KLHL29: variants seen among roughly 807,000 people sequenced by gnomAD.
KLHL29 encodes the protein kelch like family member 29.
KLHL29 carries 21 observed loss-of-function variants against 80.4 expected under a neutral mutation model. The ratio of observed to expected loss-of-function variants is 0.26; its 90% confidence interval spans 0.19 to 0.38. The LOEUF is 0.38. Among genes scored for constraint, KLHL29 ranks in the 10% least tolerant of loss-of-function variants. KLHL29 has a pLI of 1.00. For synonymous variants in KLHL29, 511 were observed against 526.8 expected, an observed-to-expected ratio of 0.97 and a Z score of 0.41; for missense variants, 867 against 1,223.9, an observed-to-expected ratio of 0.71 and a Z score of 4.35.
intron 2 of KLHL29, among the ~76,000 whole-genome samples, chr2:23,551,656 C>A (rs1667133695): frequency 6.6e-6 from 1 of 152,246 alleles, no homozygotes; most frequent in Admixed American, 6.5e-5. Flanking sequence ...TCCCCCAGGG[C>A]CATCTAGGGA....
chr2:23,541,042 G>C (rs1666818038), intron 2 of KLHL29, among the ~76,000 whole-genome samples: 1 of 152,226 alleles, frequency 6.6e-6, no homozygotes, highest in Admixed American at 6.5e-5. Context: ...CCCAGCCATA[G>C]CTAATGGGCT....
Position 23,523,953 on chromosome 2 carries a change from C to T in KLHL29, c.-45-38199C>T, listed in dbSNP as rs773506538. On this transcript the variant is annotated intron_variant, in intron 2 of 13. Coordinates refer to ENST00000486442, the MANE Select transcript of KLHL29 (RefSeq NM_052920.2). ...GGGACCTTGAAGTAAGTACTTACCT[C>T]GTAAAGAGAAGATTCCATGCGTCTT... is the stretch of plus-strand genomic sequence containing the variant. The T allele has an allele frequency of 3.5e-4, 167 of 470,744 alleles. 1 individual carries two copies. Among genetic ancestry groups the T allele is most frequent in the Non-Finnish European group, 9.3e-5 (21 of 226,654 alleles). The allele number at this position is 470,744 out of a possible 1,614,324, so 29.2% of individuals were successfully genotyped here.
chr2:23,638,178 A>G (rs1053727117), intron 3 of KLHL29, among the ~76,000 whole-genome samples: 6 of 151,502 alleles, frequency 4.0e-5, no homozygotes, highest in Admixed American at 6.6e-5. Flanking sequence ...CCCTGTTAAC[A>G]TTTTGGTCAT....
intron 1 of KLHL29, among the ~76,000 whole-genome samples, chr2:23,434,640 G>C (rs1663287948): frequency 1.3e-5 from 2 of 152,328 alleles, no homozygotes; most frequent in Admixed American, 1.3e-4. Flanking sequence ...CCAGTTACTG[G>C]GGTTTTATAT....
chr2:23,560,363 C>T (rs1359137157), intron 2 of KLHL29, among the ~76,000 whole-genome samples: 2 of 140,144 alleles, frequency 1.4e-5, no homozygotes, highest in East Asian at 4.6e-4. Flanking sequence ...CTCTGCCTCC[C>T]AAGTTCAAGT....
intron 3 of KLHL29, among the ~76,000 whole-genome samples, chr2:23,608,975 G>A (rs1668793595): frequency 6.6e-6 from 1 of 152,194 alleles, no homozygotes; most frequent in Admixed American, 6.5e-5. Context: ...ATGGGAATAG[G>A]ATAATTACAA....
At chr2:23,661,340 T>TAAAAAA (rs11483622) in intron 5 of KLHL29, among the ~76,000 whole-genome samples, 1 of 134,910 alleles carries the variant, frequency 7.4e-6, no homozygotes, top group African/African-American at 2.9e-5. Flanking sequence ...AGACCCTGTC[T>TAAAAAA]AAAAAAAAAA....
chr2:23,479,282 CGAA>C (rs1664722249), intron 2 of KLHL29, among the ~76,000 whole-genome samples: 1 of 151,794 alleles, frequency 6.6e-6, no homozygotes, highest in Non-Finnish European at 1.5e-5. Flanking sequence ...GAACCTCAGC[CGAA>C]CCCTCAGCCC....
At chr2:23,399,263 TC>T (rs1666530663) in intron 1 of KLHL29, among the ~76,000 whole-genome samples, 1 of 152,238 alleles carries the variant, frequency 6.6e-6, no homozygotes, top group Non-Finnish European at 1.5e-5. Context: ...CTTGTTCCCT[TC>T]CATGCCTAGC....
intron 2 of KLHL29, among the ~76,000 whole-genome samples, chr2:23,481,526 C>T (rs1032275417): frequency 5.9e-5 from 9 of 151,616 alleles, no homozygotes; most frequent in African/African-American, 2.2e-4. Flanking sequence ...CCTCCTGTTT[C>T]CCCAGCCACA....
At chr2:23,401,016 G>T (rs78421412) in intron 1 of KLHL29, among the ~76,000 whole-genome samples, 1,592 of 152,360 alleles carry the variant, frequency 0.01, 18 homozygotes, top group South Asian at 0.051. Flanking sequence ...GCCTGTTGGA[G>T]GTGGGAGGGT....
chr2:23,601,319 C>T (rs1234654307), intron 3 of KLHL29, among the ~76,000 whole-genome samples: 2 of 152,120 alleles, frequency 1.3e-5, no homozygotes, highest in African/African-American at 2.4e-5. Flanking sequence ...GGGAGTAAAG[C>T]GTCCTTGGTA....
chr2:23,588,227 C>T (rs1434539614), intron 3 of KLHL29, among the ~76,000 whole-genome samples: 1 of 152,174 alleles, frequency 6.6e-6, no homozygotes, highest in Non-Finnish European at 1.5e-5. Context: ...AGCTGAACAT[C>T]GAGTGGGCCC....
At chr2:23,557,115 G>A (rs184842375) in intron 2 of KLHL29, among the ~76,000 whole-genome samples, 105 of 152,318 alleles carry the variant, frequency 6.9e-4, no homozygotes, top group Middle Eastern at 6.8e-3. Context: ...GATGTGTTTT[G>A]TCGGTAATTG....
intron 2 of KLHL29, among the ~76,000 whole-genome samples, chr2:23,515,716 G>A (rs1665900941): frequency 6.6e-6 from 1 of 152,252 alleles, no homozygotes; most frequent in African/African-American, 2.4e-5. Flanking sequence ...AATGGCACAT[G>A]AAGTGCAGAG....
intron 2 of KLHL29, among the ~76,000 whole-genome samples, chr2:23,530,603 G>C (rs1249114703): frequency 6.6e-6 from 1 of 152,144 alleles, no homozygotes; most frequent in Non-Finnish European, 1.5e-5. Flanking sequence ...ATTTTGTTTT[G>C]GAAAATAGTT....
Position 23,605,107 on chromosome 2 carries a change from C to CTTTTTTTTTT in KLHL29, c.286-34019_286-34010dup, listed in dbSNP as rs386389703. Among the ~76,000 whole-genome samples, 4 of 92,478 alleles carry CTTTTTTTTTT rather than the reference C, an allele frequency of 4.3e-5. 1 individual carries two copies. Among genetic ancestry groups the CTTTTTTTTTT allele is most frequent in the Non-Finnish European group, 8.2e-5 (4 of 48,958 alleles). 60.7% of individuals were successfully genotyped at this position (92,478 alleles called of 152,430 possible). ...TGGCCCTGTTCTTTTTCCTTTGTTG[C>CTTTTTTTTTT]TTTTTTTTTTTTTTTTTTTTTTGGA... is the stretch of plus-strand genomic sequence containing the variant. On this transcript the variant is annotated intron_variant, in intron 3 of 13. Coordinates refer to ENST00000486442, the MANE Select transcript of KLHL29 (RefSeq NM_052920.2).
Position 23,682,716 on chromosome 2 carries a change from GCT to G in KLHL29, c.941-1680_941-1679del, listed in dbSNP as rs1163275193. On this transcript the variant is annotated intron_variant, in intron 5 of 13. Coordinates refer to ENST00000486442, the MANE Select transcript of KLHL29 (RefSeq NM_052920.2). This position sits in a 1 kb window ranked among gnomAD's most constrained non-coding sequence, Gnocchi z 4.1. Reference sequence around the variant, plus strand: ...CACCCTCCCGCGCCCTCCCACTGGTGCTCTGAGCCTGTTGGTCTCTGTCTGTA... The same window carrying G: ...CACCCTCCCGCGCCCTCCCACTGGTGCTGAGCCTGTTGGTCTCTGTCTGTA... Among the ~76,000 whole-genome samples, 1 of 151,712 alleles carries G rather than the reference GCT, an allele frequency of 6.6e-6. No homozygotes were observed. Among genetic ancestry groups the G allele is most frequent in the Non-Finnish European group, 1.5e-5 (1 of 67,936 alleles).
intron 3 of KLHL29, among the ~76,000 whole-genome samples, chr2:23,618,177 A>AT (rs1025690233): frequency 1.8e-3 from 266 of 149,504 alleles, no homozygotes; most frequent in African/African-American, 5.3e-3. Context: ...GCCTTTATTT[A>AT]TTTTTTTTTT....
Sources: gnomAD v4.1 joint callset for allele counts (sites outside exome capture counted in the v4.1 genomes callset) on GRCh38, gnomAD v4.1.1 for gene constraint, Gnocchi (gnomAD v3.1) non-coding constraint, MANE v1.5 for transcripts, NCBI Gene and HGNC (gene_info 2026-07-23, HGNC 2026-07-21) for gene names.